CCDC171: variants seen among roughly 807,000 people sequenced by gnomAD.
The protein encoded by CCDC171 is coiled-coil domain-containing protein 171.
A neutral mutation model predicts 168.2 loss-of-function variants in CCDC171; 177 were observed. The observed-to-expected ratio is 1.05, with a 90% CI of 0.93 to 1.19. The LOEUF is 1.19. Among genes scored for constraint, CCDC171 ranks in the 50% most tolerant of loss-of-function variants. The pLI, the probability that CCDC171 is intolerant of heterozygous loss-of-function variation, is 0.00. For missense variants in CCDC171, 1,991 were observed against 1,539.0 expected (o/e 1.29, Z -4.91); for synonymous variants, 687 against 540.8 (o/e 1.27, Z -3.75).
At chr9:15,828,874 C>G (rs992281529) in intron 21 of CCDC171, among the ~76,000 whole-genome samples, 1 of 152,052 alleles carries the variant, frequency 6.6e-6, no homozygotes, top group African/African-American at 2.4e-5. Context: ...AAAAAATAAT[C>G]AGGGTTTTTG....
intron 1 of CCDC171, among the ~76,000 whole-genome samples, chr9:15,560,444 C>T (rs180969072): frequency 6.6e-6 from 1 of 152,048 alleles, no homozygotes; most frequent in Non-Finnish European, 1.5e-5. Context: ...TCTTTTTTCT[C>T]TAAATTTCTC....
chr9:15,619,582 A>C (rs181271590), intron 6 of CCDC171, among the ~76,000 whole-genome samples: 3 of 152,220 alleles, frequency 2.0e-5, no homozygotes, highest in Non-Finnish European at 2.9e-5. Context: ...TTGGTTCATG[A>C]CTTTTAGGGA....
At chr9:15,731,095 C>G (rs1401990491) in intron 16 of CCDC171, among the ~76,000 whole-genome samples, 1 of 152,022 alleles carries the variant, frequency 6.6e-6, no homozygotes, top group African/African-American at 2.4e-5. Flanking sequence ...TCTCTTCTTG[C>G]TATTGTGAAA....
At chr9:15,555,658 T>C (rs902778427) in intron 1 of CCDC171, among the ~76,000 whole-genome samples, 2 of 152,188 alleles carry the variant, frequency 1.3e-5, no homozygotes, top group Admixed American at 6.5e-5. Context: ...GATGTGACTT[T>C]AGTCAAGTGA....
chr9:15,574,301 T>C (rs1193303578), intron 3 of CCDC171, among the ~76,000 whole-genome samples: 2 of 152,096 alleles, frequency 1.3e-5, no homozygotes, highest in East Asian at 3.9e-4. Flanking sequence ...CCTGCCACTG[T>C]GCCTGGCTAA....
chr9:15,963,128 C>T (rs755018709), intron 25 of CCDC171, among the ~76,000 whole-genome samples: 1 of 151,946 alleles, frequency 6.6e-6, no homozygotes, highest in Non-Finnish European at 1.5e-5. Flanking sequence ...GGGAATTGAA[C>T]AGTGAGAACA....
chr9:15,829,289 T>C (rs1481403287), intron 21 of CCDC171, among the ~76,000 whole-genome samples: 1 of 152,188 alleles, frequency 6.6e-6, no homozygotes, highest in Non-Finnish European at 1.5e-5. Context: ...TATAGGTTTT[T>C]ACCTTTGAGG....
chr9:15,661,204 A>C (rs1264344832), intron 8 of CCDC171, among the ~76,000 whole-genome samples: 1 of 150,964 alleles, frequency 6.6e-6, no homozygotes, highest in Admixed American at 6.6e-5. Flanking sequence ...GGCGTGAACC[A>C]AGGAGGTGGA....
chr9:15,709,686 A>G (rs2052510622), intron 11 of CCDC171, among the ~76,000 whole-genome samples: 1 of 152,168 alleles, frequency 6.6e-6, no homozygotes, highest in Non-Finnish European at 1.5e-5. Flanking sequence ...TATAAGAATA[A>G]AGGAAAAATG....
chr9:16,007,264 C>G (rs1215842822), intron 3 of CCDC171, among the ~76,000 whole-genome samples: 1 of 152,134 alleles, frequency 6.6e-6, no homozygotes, highest in Non-Finnish European at 1.5e-5. Context: ...CCTTTGCCCA[C>G]TTTTGGATGG....
chr9:15,558,584 C>T lies in CCDC171; in HGVS notation c.-112+5282C>T, dbSNP rs1035331069. On this transcript the variant is annotated intron_variant, in intron 1 of 25. Transcript: ENST00000380701. ...TCTGTGGGATCAGTGGTGATATCCC[C>T]TTTATCTTTTTTTATTACATCTTTG... Among the ~76,000 whole-genome samples, 7 of 152,062 alleles carry T rather than the reference C, an allele frequency of 4.6e-5. No individual in the cohort carries two copies. In the East Asian group the frequency reaches 1.2e-3, roughly 25 times the overall value.
Position 15,723,746 on chromosome 9 carries a change from G to A in CCDC171, c.1491G>A (p.Lys497=), listed in dbSNP as rs2053634805. 2.1e-6 allele frequency: 3 copies of A among 1,414,898 alleles called. No homozygotes were observed. Among genetic ancestry groups the A allele is most frequent in the East Asian group, 2.4e-5 (1 of 42,378 alleles). 87.6% of individuals were successfully genotyped at this position (1,414,898 alleles called of 1,614,324 possible). Residue 497 remains lysine, a splice_region_variant and synonymous_variant, in exon 13 of 26, where the codon AAG becomes AAA. Coordinates refer to ENST00000380701, the MANE Select transcript of CCDC171 (RefSeq NM_173550.4). ...QKIDSHTKNI[K]ELQDKLADVN... ...TAGACTCTCACACTAAAAATATAAA[G>A]GTATTATTTAGAATAACTTTTACCT... is the stretch of plus-strand genomic sequence containing the variant.
intron 11 of CCDC171, among the ~76,000 whole-genome samples, chr9:15,709,072 A>C (rs2052462964): frequency 6.6e-6 from 1 of 152,222 alleles, no homozygotes; most frequent in Non-Finnish European, 1.5e-5. Flanking sequence ...AGAGTGGTGA[A>C]ATGATTCACC....
At chr9:15,904,590 G>A (rs1324894972) in intron 24 of CCDC171, among the ~76,000 whole-genome samples, 18 of 152,248 alleles carry the variant, frequency 1.2e-4, no homozygotes, top group East Asian at 7.7e-4. Context: ...AAAGACCATC[G>A]AGGCTAGGAA....
chr9:15,698,923 A>C (rs147758474), intron 11 of CCDC171, among the ~76,000 whole-genome samples: 138 of 152,294 alleles, frequency 9.1e-4, no homozygotes, highest in African/African-American at 3.2e-3. Context: ...TATTGTGAAT[A>C]ATACTCTAGT....
At chr9:15,954,631 C>A (rs1362133837) in intron 25 of CCDC171, among the ~76,000 whole-genome samples, 1 of 151,630 alleles carries the variant, frequency 6.6e-6, no homozygotes, top group Non-Finnish European at 1.5e-5. Context: ...TGTATCTCAG[C>A]CTCAGTAATT....
intron 24 of CCDC171, among the ~76,000 whole-genome samples, chr9:15,897,183 T>C (rs1013459542): frequency 6.6e-6 from 1 of 152,098 alleles, no homozygotes; most frequent in Non-Finnish European, 1.5e-5. Flanking sequence ...TCAAGTCCTT[T>C]ACTGATGCTA....
chr9:16,097,871 C>A, the CCDC171 span, among the ~76,000 whole-genome samples: 11 of 152,214 alleles, frequency 7.2e-5, no homozygotes, highest in Non-Finnish European at 1.0e-4. Context: ...GAAAAAGAGA[C>A]TGACTGACTT....
chr9:16,098,503 T>C, the CCDC171 span, among the ~76,000 whole-genome samples: 2 of 152,350 alleles, frequency 1.3e-5, no homozygotes, highest in African/African-American at 4.8e-5. Context: ...CTCTTGAGTG[T>C]TGGAGTAAGC....
Sources: allele counts gnomAD v4.1 joint callset (sites outside exome capture counted in the v4.1 genomes callset), GRCh38; gene constraint gnomAD v4.1.1; transcripts MANE v1.5; gene names NCBI Gene and HGNC (gene_info 2026-07-23, HGNC 2026-07-21).